TBC1D22A: variants seen among roughly 807,000 people sequenced by gnomAD.
The protein encoded by TBC1D22A is putative GTPase activator.
Under a neutral mutation model 60.2 loss-of-function variants are expected in TBC1D22A, and 38 were observed. The observed-to-expected ratio is 0.63, with a 90% CI of 0.49 to 0.83. The LOEUF (loss-of-function observed/expected upper bound fraction) is 0.83, where lower values mean the gene tolerates loss of function less well. TBC1D22A is among the 40% of genes least tolerant of loss of function. The pLI, the probability that TBC1D22A is intolerant of heterozygous loss-of-function variation, is 0.00. For missense variants in TBC1D22A, 628 were observed against 701.0 expected (o/e 0.90, Z 1.18); for synonymous variants, 302 against 281.7 (o/e 1.07, Z -0.72).
chr22:46,809,253 G>T (rs534913391), intron 4 of TBC1D22A, among the ~76,000 whole-genome samples: 1 of 152,234 alleles, frequency 6.6e-6, no homozygotes, highest in African/African-American at 2.4e-5. Context: ...GTGCATGTGT[G>T]GGGAGAGAGA....
At chr22:46,824,088 C>T (rs189670297) in intron 4 of TBC1D22A, among the ~76,000 whole-genome samples, 149 of 152,222 alleles carry the variant, frequency 9.8e-4, no homozygotes, top group Admixed American at 4.9e-3. Flanking sequence ...CACCATAACA[C>T]GTTATAAATT....
intron 12 of TBC1D22A, among the ~76,000 whole-genome samples, chr22:47,163,026 G>A (rs1428075820): frequency 2.0e-5 from 3 of 152,232 alleles, no homozygotes; most frequent in South Asian, 2.1e-4. Context: ...CTTTGGCCCC[G>A]GAGACCAAAG....
intron 5 of TBC1D22A, among the ~76,000 whole-genome samples, chr22:46,885,063 G>C (rs73470833): frequency 0.015 from 2,211 of 152,376 alleles, 56 homozygotes; most frequent in African/African-American, 0.05. Flanking sequence ...GAGCCAGCGT[G>C]TGGAGAAAGG....
intron 12 of TBC1D22A, among the ~76,000 whole-genome samples, chr22:47,164,741 C>G (rs962404325): frequency 6.6e-6 from 1 of 152,238 alleles, no homozygotes; most frequent in Non-Finnish European, 1.5e-5. Context: ...GGTCGCTCCG[C>G]TGGCAGCGCT....
At chr22:46,786,869 A>G (rs765011958) in intron 1 of TBC1D22A, among the ~76,000 whole-genome samples, 4 of 151,808 alleles carry the variant, frequency 2.6e-5, no homozygotes, top group Non-Finnish European at 5.9e-5. Flanking sequence ...TTGGTTTTTA[A>G]TAGATGAGGT....
At chr22:46,851,331 G>T (rs1176411717) in intron 4 of TBC1D22A, among the ~76,000 whole-genome samples, 1 of 152,174 alleles carries the variant, frequency 6.6e-6, no homozygotes, top group Non-Finnish European at 1.5e-5. Flanking sequence ...TCACCTCCAG[G>T]GTTCAAACCC....
chr22:46,793,971 G>GC, intron 3 of TBC1D22A, 130 bp downstream of exon 3: 1 of 886,956 alleles, frequency 1.1e-6, no homozygotes, highest in South Asian at 1.8e-5. Context: ...GCCCACGAGA[G>GC]CCCTTATGGT....
chr22:46,889,083 C>G (rs934405902), intron 5 of TBC1D22A, among the ~76,000 whole-genome samples: 43 of 152,146 alleles, frequency 2.8e-4, no homozygotes, highest in African/African-American at 1.0e-3. Flanking sequence ...AACTTTAAGA[C>G]CTTATCTGTT....
At chr22:47,038,075 G>T (rs943915077) in intron 11 of TBC1D22A, among the ~76,000 whole-genome samples, 2 of 152,124 alleles carry the variant, frequency 1.3e-5, no homozygotes, top group African/African-American at 2.4e-5. Flanking sequence ...CATTTTGTTC[G>T]AGATGTTTGC....
At chr22:46,829,571 G>C (rs999267331) in intron 4 of TBC1D22A, among the ~76,000 whole-genome samples, 1 of 152,150 alleles carries the variant, frequency 6.6e-6, no homozygotes, top group Non-Finnish European at 1.5e-5. Flanking sequence ...ATCTGGGAAG[G>C]CCAGAGAAAA....
Position 46,793,782 on chromosome 22 carries a change from C to G in TBC1D22A, c.401C>G (p.Pro134Arg), listed in dbSNP as rs201151937. 2.2e-5 allele frequency: 36 copies of G among 1,601,234 alleles called. No individual in the cohort carries two copies. The Admixed American group carries it at 3.8e-4, about 17-fold the overall frequency. The part of the protein sequence containing the change: ...PRPEAEPPSP[P>R]SGDLRLVKSV... ...CCCGAGGCAGAGCCGCCCTCACCCC[C>G]CAGCGGCGACCTCCGGCTGGTGAAG... Residue 134 changes from proline to arginine, a missense_variant, in exon 3 of 13, where the codon CCC becomes CGC. Physicochemically the swap from Pro to Arg is moderately radical, Grantham distance 103. Coordinates refer to ENST00000337137, the MANE Select transcript of TBC1D22A (RefSeq NM_014346.5).
chr22:46,918,039 C>T (rs2070496651), intron 8 of TBC1D22A, among the ~76,000 whole-genome samples: 1 of 151,806 alleles, frequency 6.6e-6, no homozygotes, highest in African/African-American at 2.4e-5. Flanking sequence ...TCAGTGATCT[C>T]TGCAGTGGAC....
chr22:46,829,925 T>A (rs941878175), intron 4 of TBC1D22A, among the ~76,000 whole-genome samples: 2 of 152,162 alleles, frequency 1.3e-5, no homozygotes, highest in African/African-American at 4.8e-5. Flanking sequence ...GACACCAGAT[T>A]CAGTGCCAGC....
In TBC1D22A at chr22:46,897,652, GTT is replaced by G. The variant is rs34529641; in HGVS notation, c.900+2822_900+2823del. ...TTTGTTTCGTTTTGTTTTTTTTTGT[GTT>G]TTTTTTTTTTTTTTTAGTTCTAGGA... On this transcript the variant is annotated intron_variant, in intron 7 of 12. Coordinates refer to ENST00000337137, the MANE Select transcript of TBC1D22A (RefSeq NM_014346.5). Among the ~76,000 whole-genome samples the G allele has an allele frequency of 1.0e-3, 115 of 111,458 alleles. No individual in the cohort carries two copies. In the Middle Eastern group the frequency reaches 0.015, roughly 15 times the overall value. The allele number at this position is 111,458 out of a possible 152,430, so 73.1% of individuals were successfully genotyped here.
At chr22:46,917,348 C>T (rs544208618) in intron 8 of TBC1D22A, among the ~76,000 whole-genome samples, 79 of 152,202 alleles carry the variant, frequency 5.2e-4, no homozygotes, top group African/African-American at 1.7e-3. Flanking sequence ...GACCAGAGGC[C>T]GGTGGAGGCA....
chr22:47,032,098 C>A (rs2062494963), intron 10 of TBC1D22A, among the ~76,000 whole-genome samples: 1 of 152,228 alleles, frequency 6.6e-6, no homozygotes, highest in Non-Finnish European at 1.5e-5. Flanking sequence ...ACATGCCGAG[C>A]CCCGGCACAG....
At chr22:46,764,571 A>T (rs2083220674) in intron 1 of TBC1D22A, among the ~76,000 whole-genome samples, 1 of 152,186 alleles carries the variant, frequency 6.6e-6, no homozygotes, top group African/African-American at 2.4e-5. Flanking sequence ...AGTTGAATTT[A>T]TGTCCATCTG....
chr22:46,958,162 T>C (rs2148040960), intron 8 of TBC1D22A, among the ~76,000 whole-genome samples: 1 of 152,246 alleles, frequency 6.6e-6, no homozygotes, highest in South Asian at 2.1e-4. Flanking sequence ...GATTGACCGT[T>C]TCTTTTATAT....
chr22:46,849,083 G>C (rs1190226968), intron 4 of TBC1D22A, among the ~76,000 whole-genome samples: 1 of 152,160 alleles, frequency 6.6e-6, no homozygotes, highest in African/African-American at 2.4e-5. Context: ...CATCTGTCTG[G>C]AGTGGCTATC....
Sources: allele counts gnomAD v4.1 joint callset (sites outside exome capture counted in the v4.1 genomes callset), GRCh38; gene constraint gnomAD v4.1.1; transcripts MANE v1.5; gene names NCBI Gene and HGNC (gene_info 2026-07-23, HGNC 2026-07-21).